Variants in EBF1 observed in about 807,000 individuals in gnomAD.
EBF1 encodes the protein transcription factor COE1.
EBF1 carries 10 observed loss-of-function variants against 68.4 expected under a neutral mutation model. That is an observed-to-expected ratio of 0.15 (90% CI 0.09 to 0.25). EBF1 has a LOEUF of 0.25. Ranked by LOEUF, EBF1 falls within the 10% of genes least tolerant of loss-of-function variation. EBF1 has a pLI of 1.00. For synonymous variants in EBF1, 298 were observed against 299.8 expected, an observed-to-expected ratio of 0.99 and a Z score of 0.06; for missense variants, 509 against 794.4, an observed-to-expected ratio of 0.64 and a Z score of 4.32.
rs148963955 is a variant in EBF1, at chr5:158,798,805, T to C, written c.779-2330A>G. Among the ~76,000 whole-genome samples the C allele has an allele frequency of 9.2e-5, 14 of 152,292 alleles. No individual in the cohort carries two copies. In the East Asian group the frequency reaches 2.5e-3, roughly 27 times the overall value. ...GGTGAGGAAACAATATTTGACACCATTGTCTTAGTTTTAGAGAAATAAAGC... is the reference window on the plus strand; with the variant it reads ...GGTGAGGAAACAATATTTGACACCACTGTCTTAGTTTTAGAGAAATAAAGC... On this transcript the variant is annotated intron_variant, in intron 8 of 15. Transcript: ENST00000313708.
intron 6 of EBF1, among the ~76,000 whole-genome samples, chr5:159,025,625 C>T (rs756169559): frequency 3.0e-4 from 46 of 152,300 alleles, no homozygotes; most frequent in Middle Eastern, 3.4e-3. Flanking sequence ...CTCTGAGAAC[C>T]GATGTGGAAC....
intron 6 of EBF1, among the ~76,000 whole-genome samples, chr5:158,861,606 G>A (rs1794969035): frequency 2.0e-5 from 3 of 152,150 alleles, no homozygotes; most frequent in Non-Finnish European, 4.4e-5. Flanking sequence ...AGAAATGTCC[G>A]GAATTAGCTT....
chr5:159,024,550 C>T (rs536652809), intron 6 of EBF1, among the ~76,000 whole-genome samples: 1 of 152,186 alleles, frequency 6.6e-6, no homozygotes, highest in Admixed American at 6.5e-5. Flanking sequence ...TAATGTTAGG[C>T]TCTTTCCAAA....
chr5:158,864,539 G>T (rs1375566181), intron 6 of EBF1, among the ~76,000 whole-genome samples: 1 of 152,074 alleles, frequency 6.6e-6, no homozygotes, highest in Non-Finnish European at 1.5e-5. Context: ...GGTTGCTGGA[G>T]TGGAGAAGAT....
chr5:159,051,479 A>C lies in EBF1; in HGVS notation c.554+21917T>G, dbSNP rs1373449930. ...CCCGGCGGCTGACGGCTCCCGCTCC[A>C]CATGTGCGACTCGTGTTTCGGCTTT... On this transcript the variant is annotated intron_variant, in intron 6 of 15. Transcript: ENST00000313708. Among the ~76,000 whole-genome samples, 6 of 121,560 alleles carry C rather than the reference A, an allele frequency of 4.9e-5. 1 individual carries two copies. In the Admixed American group the frequency reaches 5.7e-4, roughly 12 times the overall value. 79.7% of individuals were successfully genotyped at this position (121,560 alleles called of 152,430 possible). A position where few individuals can be genotyped will look rare whatever the true frequency, so the allele number is the denominator to read the frequency against.
chr5:158,942,003 CTA>C (rs1458853682), intron 6 of EBF1, among the ~76,000 whole-genome samples: 1 of 152,092 alleles, frequency 6.6e-6, no homozygotes, highest in Non-Finnish European at 1.5e-5. Flanking sequence ...AGGCATGTGA[CTA>C]TTAGAGAAAG....
intron 15 of EBF1, among the ~76,000 whole-genome samples, chr5:158,705,627 A>G (rs1035262738): frequency 3.9e-5 from 6 of 152,242 alleles, no homozygotes; most frequent in African/African-American, 1.2e-4. Context: ...CCATTTCATC[A>G]TGACTTAAAC....
rs761618335 is a variant in EBF1, at chr5:158,839,903, G to A, written c.636+126C>T. Reference sequence around the variant, plus strand: ...ACTGCTAGATTGCAGATACCTGGGGGACCAAGGGCCTCAGCTGCTCTTCAC... The same window carrying A: ...ACTGCTAGATTGCAGATACCTGGGGAACCAAGGGCCTCAGCTGCTCTTCAC... On this transcript the variant is annotated intron_variant, in intron 7 of 15. Transcript: ENST00000313708. 4 of 820,228 alleles carry A rather than the reference G, an allele frequency of 4.9e-6. No individual in the cohort carries two copies. The African/African-American group carries it at 5.1e-5, about 11-fold the overall frequency. 50.8% of individuals were successfully genotyped at this position (820,228 alleles called of 1,614,324 possible).
At chr5:159,002,237 T>C (rs1433127912) in intron 6 of EBF1, among the ~76,000 whole-genome samples, 1 of 151,780 alleles carries the variant, frequency 6.6e-6, no homozygotes, top group African/African-American at 2.4e-5. Flanking sequence ...TAATCATTTC[T>C]CAATTTTCCC....
chr5:158,973,819 T>C (rs528242757), intron 6 of EBF1, among the ~76,000 whole-genome samples: 25 of 152,342 alleles, frequency 1.6e-4, no homozygotes, highest in Middle Eastern at 3.4e-3. Flanking sequence ...GTAGTAGTAG[T>C]GGTAGTAGCA....
intron 6 of EBF1, among the ~76,000 whole-genome samples, chr5:158,995,391 T>C (rs1475452434): frequency 6.6e-6 from 1 of 152,170 alleles, no homozygotes; most frequent in Non-Finnish European, 1.5e-5. Flanking sequence ...AGATCAATGC[T>C]AGGGGGACGC....
chr5:158,998,434 T>C (rs1330856066), intron 6 of EBF1, among the ~76,000 whole-genome samples: 2 of 152,138 alleles, frequency 1.3e-5, no homozygotes. Context: ...CTCTTCCACA[T>C]CGAGGATGAG....
chr5:159,060,395 G>A (rs1376829892), intron 6 of EBF1, among the ~76,000 whole-genome samples: 1 of 152,052 alleles, frequency 6.6e-6, no homozygotes, highest in Non-Finnish European at 1.5e-5. Context: ...ATAAAATTTG[G>A]TTAAACTAGA....
chr5:158,710,141 G>T (rs1331140958), intron 14 of EBF1, among the ~76,000 whole-genome samples: 1 of 152,120 alleles, frequency 6.6e-6, no homozygotes, highest in East Asian at 1.9e-4. Context: ...CAAATCAACT[G>T]GGCTTTGTGT....
chr5:159,078,521 G>A (rs1779197520), intron 5 of EBF1, among the ~76,000 whole-genome samples: 1 of 152,152 alleles, frequency 6.6e-6, no homozygotes, highest in Non-Finnish European at 1.5e-5. Flanking sequence ...TATTTTTTAG[G>A]CTCCTACGAT....
chr5:158,947,237 A>G (rs1027172927), intron 6 of EBF1, among the ~76,000 whole-genome samples: 19 of 145,982 alleles, frequency 1.3e-4, no homozygotes, highest in Middle Eastern at 7.2e-3. Flanking sequence ...CAGGGTATGG[A>G]AAAAAAAAAA....
intron 6 of EBF1, among the ~76,000 whole-genome samples, chr5:158,840,554 C>G (rs1423002915): frequency 6.7e-6 from 1 of 150,078 alleles, no homozygotes; most frequent in South Asian, 2.1e-4. Flanking sequence ...ATCTTAGCCT[C>G]TCAAGTAAAA....
At chr5:158,852,735 C>T (rs999164867) in intron 6 of EBF1, among the ~76,000 whole-genome samples, 1 of 152,166 alleles carries the variant, frequency 6.6e-6, no homozygotes, top group African/African-American at 2.4e-5. Context: ...AGCACTATTT[C>T]TCATGATATC....
At chr5:159,090,072 T>TACCTGCTG (rs1206637855) in intron 4 of EBF1, among the ~76,000 whole-genome samples, 4 of 152,050 alleles carry the variant, frequency 2.6e-5, no homozygotes, top group Non-Finnish European at 5.9e-5. Context: ...ATGCACAAAG[T>TACCTGCTG]ACCTGCTGTA....
Sources: allele counts gnomAD v4.1 joint callset (sites outside exome capture counted in the v4.1 genomes callset), GRCh38; gene constraint gnomAD v4.1.1; transcripts MANE v1.5; gene names NCBI Gene and HGNC (gene_info 2026-07-23, HGNC 2026-07-21).